LRRC36: variants seen among roughly 807,000 people sequenced by gnomAD.
The protein encoded by LRRC36 is leucine-rich repeat-containing protein 36.
In LRRC36, 62 loss-of-function variants were observed where a neutral mutation model predicts 81.1. That is an observed-to-expected ratio of 0.76 (90% CI 0.62 to 0.94). The LOEUF (loss-of-function observed/expected upper bound fraction) is 0.94, where lower values mean the gene tolerates loss of function less well. LRRC36 is among the 40% of genes least tolerant of loss of function. The pLI is 0.00. For missense variants in LRRC36, 761 were observed against 881.7 expected, an observed-to-expected ratio of 0.86 and a Z score of 1.73; for synonymous variants, 334 against 348.6, an observed-to-expected ratio of 0.96 and a Z score of 0.47.
chr16:67,336,893 A>G (rs934736310), intron 1 of LRRC36, among the ~76,000 whole-genome samples: 10 of 151,908 alleles, frequency 6.6e-5, no homozygotes, highest in Admixed American at 1.3e-4. Flanking sequence ...TCAGCCTACC[A>G]AGTAGCTAGG....
In LRRC36 at chr16:67,382,191, G is replaced by C. The variant is rs149982934; in HGVS notation, c.1989G>C (p.Glu663Asp). 8 of 1,614,090 alleles carry C rather than the reference G, an allele frequency of 5.0e-6. No individual in the cohort carries two copies. The highest frequency in any genetic ancestry group is 6.8e-6 in the Non-Finnish European group (8 of 1,180,032). Residue 663 changes from glutamate (E) to aspartate (D), a missense_variant, in exon 13 of 14, where the codon GAG (glutamate) becomes GAC (aspartate). By Grantham distance (45) the Glu-to-Asp change is conservative. Transcript: ENST00000329956. ...LTMQVACLNQ[E>D]LAQLKKLEKT... ...TGCAGGTGGCTTGCCTGAACCAGGA[G>C]CTTGCCCAGCTGAAAAAGCTGGAGA...
rs2142200749 is a variant in LRRC36, at chr16:67,384,846, C to T, written c.2046-24C>T. On this transcript the variant is annotated intron_variant, in intron 13 of 13. Transcript: ENST00000329956. ...CTCTCTTGCTTTTATGATTTCATGA[C>T]TGCCTTTTTCCCTTGGGCCTCAGAT... 1.9e-6 allele frequency: 3 copies of T among 1,590,618 alleles called. No homozygotes were observed. The East Asian group carries it at 6.7e-5, about 36-fold the overall frequency.
chr16:67,329,872 C>T (rs1414114106), intron 1 of LRRC36, among the ~76,000 whole-genome samples: 1 of 152,026 alleles, frequency 6.6e-6, no homozygotes, highest in Non-Finnish European at 1.5e-5. Context: ...GAGCTGAGAT[C>T]GCGTCACTGC....
intron 1 of LRRC36, among the ~76,000 whole-genome samples, chr16:67,336,903 G>A (rs1330385830): frequency 6.6e-6 from 1 of 151,734 alleles, no homozygotes; most frequent in Non-Finnish European, 1.5e-5. Flanking sequence ...AAGTAGCTAG[G>A]ACTACTGGGC....
At chr16:67,345,591 TG>T (rs2038306558) in intron 2 of LRRC36, among the ~76,000 whole-genome samples, 1 of 152,038 alleles carries the variant, frequency 6.6e-6, no homozygotes, top group African/African-American at 2.4e-5. Context: ...ACTGACTGAT[TG>T]ATTAAATGGG....
intron 2 of LRRC36, among the ~76,000 whole-genome samples, chr16:67,343,555 C>T (rs1030785053): frequency 2.0e-5 from 3 of 151,636 alleles, no homozygotes; most frequent in Non-Finnish European, 2.9e-5. Context: ...ATTAGCCAGG[C>T]GTGGTGGCAG....
Position 67,347,625 on chromosome 16 carries a change from G to T in LRRC36, c.488+34G>T, listed in dbSNP as rs377456421. ...ATTCTTTACAAAATTTTTAAAGTTT[G>T]GTTCTGGACATAGGAAATAGTGAAT... On this transcript the variant is annotated intron_variant, in intron 4 of 13. Transcript: ENST00000329956. The T allele has an allele frequency of 7.3e-6, 11 of 1,504,646 alleles. No homozygotes were observed. The African/African-American group carries it at 1.4e-4, about 19-fold the overall frequency. The allele number at this position is 1,504,646 out of a possible 1,614,324, so 93.2% of individuals were successfully genotyped here.
rs769010601 is a variant in LRRC36 at position 67,363,676 on chromosome 16, C to T, written c.664C>T (p.Arg222Cys). ...TTCTGCAACTCAGGGCAATGGTACA[C>T]GTGATCAGAAATTAGACACCTTCCC... ...STSATQGNGT[R>C]DQKLDTFPLG... is the part of the protein sequence containing the mutation. The change falls in exon 6 of 14, where the codon CGT (arginine) becomes TGT (cysteine). Residue 222 changes from arginine (R) to cysteine (C), a missense_variant. Physicochemically the swap from Arg to Cys is radical, Grantham distance 180. Transcript: ENST00000329956. The T allele has an allele frequency of 9.3e-6, 15 of 1,613,690 alleles. No homozygotes were observed. In the African/African-American group the frequency reaches 1.3e-4, roughly 14 times the overall value.
intron 1 of LRRC36, among the ~76,000 whole-genome samples, chr16:67,341,640 T>C (rs2038087332): frequency 6.6e-6 from 1 of 152,158 alleles, no homozygotes; most frequent in Non-Finnish European, 1.5e-5. Context: ...GCCAAAATTT[T>C]GTGGTTATTA....
intron 2 of LRRC36, among the ~76,000 whole-genome samples, 181 bp from the exon 3 acceptor site, chr16:67,346,075 G>A (rs2038331837): frequency 6.6e-6 from 1 of 152,210 alleles, no homozygotes; most frequent in South Asian, 2.1e-4. Context: ...AACACCCAGT[G>A]CTCATGGACT....
chr16:67,346,189 A>G lies in LRRC36; in HGVS notation c.199-67A>G, dbSNP rs140106109. On this transcript the variant is annotated intron_variant, in intron 2 of 13. Coordinates refer to ENST00000329956, the MANE Select transcript of LRRC36 (RefSeq NM_018296.6). ...AGGACGGAAAGTAACATATATTTCC[A>G]TCTTTATCTATGAGGTTCCTAGTCT... 2.0e-5 allele frequency: 20 copies of G among 1,009,042 alleles called. No homozygotes were observed. The African/African-American group carries it at 2.4e-4, about 12-fold the overall frequency. The allele number at this position is 1,009,042 out of a possible 1,614,324, so 62.5% of individuals were successfully genotyped here. A position where few individuals can be genotyped will look rare whatever the true frequency, so the allele number is the denominator to read the frequency against.
chr16:67,383,600 C>T lies in LRRC36; in HGVS notation c.2046-1270C>T, dbSNP rs906540635. On this transcript the variant is annotated intron_variant, in intron 13 of 13. Coordinates refer to ENST00000329956, the MANE Select transcript of LRRC36 (RefSeq NM_018296.6). ...ACATTAGGATATATTGCTTTAGTGA[C>T]GTACAGTCAAAATACTCTCTTTTAA... Among the ~76,000 whole-genome samples, 7 of 152,260 alleles carry T rather than the reference C, an allele frequency of 4.6e-5. No individual in the cohort carries two copies. The East Asian group carries it at 1.3e-3, about 29-fold the overall frequency.
chr16:67,340,542 G>A (rs185528689), intron 1 of LRRC36, among the ~76,000 whole-genome samples: 1 of 151,038 alleles, frequency 6.6e-6, no homozygotes, highest in Admixed American at 6.6e-5. Flanking sequence ...TGTGTTCCCA[G>A]CTACTTGGGA....
At chr16:67,382,003 A>T in intron 12 of LRRC36, 130 bp from the exon 13 acceptor site, 1 of 632,986 alleles carries the variant, frequency 1.6e-6, no homozygotes, top group Non-Finnish European at 2.9e-6. Flanking sequence ...TCTCCAAGTA[A>T]GGCAATGGAG....
chr16:67,348,893 C>T (rs1020884142), intron 4 of LRRC36, among the ~76,000 whole-genome samples: 2 of 152,152 alleles, frequency 1.3e-5, no homozygotes, highest in Non-Finnish European at 2.9e-5. Context: ...TTCCCTTTCC[C>T]AGTGACTTTG....
chr16:67,342,701 T>G (rs1300643225), intron 2 of LRRC36, among the ~76,000 whole-genome samples: 8 of 152,188 alleles, frequency 5.3e-5, no homozygotes, highest in Non-Finnish European at 8.8e-5. Context: ...GATGGAGTTT[T>G]GTTTTCTTTG....
chr16:67,365,109 C>T lies in LRRC36; in HGVS notation c.703-195C>T. The T allele has an allele frequency of 5.7e-6, 3 of 521,740 alleles. 1 individual carries two copies. The South Asian group carries it at 9.3e-5, about 16-fold the overall frequency. 32.3% of individuals were successfully genotyped at this position (521,740 alleles called of 1,614,324 possible). On this transcript the variant is annotated intron_variant, in intron 6 of 13. Transcript: ENST00000329956. The stretch of plus-strand genomic sequence containing the variant: ...CCTTTACTTCCTAAGGATATTCAAG[C>T]AACTCTGGAATCTCCTTGTATTGTG...
chr16:67,366,788 A>T (rs1031855280), intron 7 of LRRC36, among the ~76,000 whole-genome samples: 1 of 152,044 alleles, frequency 6.6e-6, no homozygotes, highest in South Asian at 2.1e-4. Flanking sequence ...CCAGAATGTT[A>T]TAGATTCTTT....
In LRRC36 at chr16:67,371,061, C is replaced by G; in HGVS notation, c.1313C>G (p.Ala438Gly). The change falls in exon 9 of 14, where the codon GCT (alanine) becomes GGT (glycine). Residue 438 changes from alanine (A) to glycine (G), a missense_variant. This residue lies in a region of LRRC36 where 359 missense variants were observed against 388.4 expected (regional missense o/e 0.92). Coordinates refer to ENST00000329956, the MANE Select transcript of LRRC36 (RefSeq NM_018296.6). ...GCACATGGTTCTGTCCCAAACAACG[C>G]TGTCCTGGGAAACAGGACAACTCCT... Reference protein sequence around the residue: ...TPAHGSVPNNAVLGNRTTPLR... With the variant: ...TPAHGSVPNNGVLGNRTTPLR... 18 of 1,614,186 alleles carry G rather than the reference C, an allele frequency of 1.1e-5. No homozygotes were observed. Among genetic ancestry groups the G allele is most frequent in the Non-Finnish European group, 1.5e-5 (18 of 1,179,990 alleles).
Sources: gnomAD v4.1 joint callset for allele counts (sites outside exome capture counted in the v4.1 genomes callset) on GRCh38, gnomAD v4.1.1 for gene constraint, gnomAD v4.1.1 regional missense constraint, MANE v1.5 for transcripts, NCBI Gene and HGNC (gene_info 2026-07-23, HGNC 2026-07-21) for gene names.